The following CADM2 variants were observed in gnomAD, a reference collection of about 807,000 sequenced individuals.
The protein encoded by CADM2 is cell adhesion molecule 2.
CADM2 carries 12 observed loss-of-function variants against 49.8 expected under a neutral mutation model. The ratio of observed to expected loss-of-function variants is 0.24; its 90% CI spans 0.15 to 0.39. The LOEUF (loss-of-function observed/expected upper bound fraction) is 0.39. Ranked by LOEUF, CADM2 falls within the 10% of genes least tolerant of loss-of-function variation. The probability of loss-of-function intolerance (pLI) is 1.00; values close to 1 mark genes in which losing one functional copy is unlikely to be tolerated. For missense variants in CADM2, 378 were observed against 492.3 expected, an observed-to-expected ratio of 0.77 and a Z score of 2.20; for synonymous variants, 214 against 175.4, an observed-to-expected ratio of 1.22 and a Z score of -1.74.
intron 1 of CADM2, among the ~76,000 whole-genome samples, chr3:85,212,890 T>TCTCTCTCTCTCTCTCTCTCTC (rs1423004326): frequency 2.3e-5 from 2 of 86,956 alleles, no homozygotes; most frequent in East Asian, 6.1e-4. Flanking sequence ...TTCTTTCTCT[T>TCTCTCTCTCTCTCTCTCTCTC]TCTTTCTTTT....
intron 8 of CADM2, among the ~76,000 whole-genome samples, chr3:85,967,396 G>T (rs533418181): frequency 6.6e-6 from 1 of 151,426 alleles, no homozygotes; most frequent in African/African-American, 2.4e-5. Context: ...ATTTCCTTTA[G>T]AGTTGTCAGT....
chr3:85,918,223 T>C (rs1227884799), intron 6 of CADM2, among the ~76,000 whole-genome samples: 1 of 152,150 alleles, frequency 6.6e-6, no homozygotes, highest in Non-Finnish European at 1.5e-5. Context: ...GGCATCCCTG[T>C]CTTGTGCCAG....
intron 1 of CADM2, among the ~76,000 whole-genome samples, chr3:85,115,377 A>G (rs2038604481): frequency 6.6e-6 from 1 of 152,196 alleles, no homozygotes; most frequent in Non-Finnish European, 1.5e-5. Flanking sequence ...TTAAAAGTAG[A>G]AAGTTCATTA....
chr3:85,510,095 T>C (rs184923242), intron 1 of CADM2, among the ~76,000 whole-genome samples: 2 of 152,096 alleles, frequency 1.3e-5, no homozygotes, highest in African/African-American at 2.4e-5. Context: ...GAAATACTTA[T>C]AAGCAAAATC....
At chr3:85,622,761 A>G (rs1443348668) in intron 1 of CADM2, among the ~76,000 whole-genome samples, 1 of 152,146 alleles carries the variant, frequency 6.6e-6, no homozygotes, top group East Asian at 1.9e-4. Flanking sequence ...AAGAATTTCA[A>G]CTTATTTGTA....
rs139906998 is a variant in CADM2 at position 86,050,729 on chromosome 3, C to T, written c.971-14876C>T. 4.4e-3 allele frequency among the ~76,000 whole-genome samples: 674 copies of T among 152,206 alleles called. 2 individuals carry two copies. The highest frequency in any genetic ancestry group is 0.017 in the Middle Eastern group (5 of 294). ...GGCTTGCACCCTCTGAATCAGTGAC[C>T]CAAGTTATAGCTGGTCCCACTTGAG... On this transcript the variant is annotated intron_variant, in intron 8 of 9. Coordinates refer to ENST00000383699, the MANE Select transcript of CADM2 (RefSeq NM_001167675.2).
intron 1 of CADM2, among the ~76,000 whole-genome samples, chr3:85,444,863 CT>C (rs944872517): frequency 7.2e-5 from 11 of 152,136 alleles, no homozygotes; most frequent in African/African-American, 2.7e-4. Context: ...AAAATATACA[CT>C]GTCTCTGTCC....
chr3:85,883,357 ATG>A lies in CADM2; in HGVS notation c.309_310del (p.Ser106Ter), dbSNP rs773407865. The A allele has an allele frequency of 6.2e-7, 1 of 1,613,786 alleles. No individual in the cohort carries two copies. The highest frequency in any genetic ancestry group is 8.5e-7 in the Non-Finnish European group (1 of 1,179,898). The stretch of plus-strand genomic sequence containing the variant: ...CATGAATTGAGTATTAGTGTCAGTG[ATG>A]TGTCTCTCTCTGATGAAGGACAGTA... On this transcript the variant is annotated frameshift_variant, in exon 4 of 10. Transcript: ENST00000383699. LOFTEE classifies it high-confidence loss of function.
At position 85,557,037 on chromosome 3, in the gene CADM2, A is replaced by C. The variant is rs2061976590; in HGVS notation, c.62-169485A>C. Reference sequence around the variant, plus strand: ...CTTTGTGGTAACCTTGTGAGAGCATAACAAACACAAGAAAAGGAGATCAGT... The same window carrying C: ...CTTTGTGGTAACCTTGTGAGAGCATCACAAACACAAGAAAAGGAGATCAGT... On this transcript the variant is annotated intron_variant, in intron 1 of 9. Transcript: ENST00000383699. Among the ~76,000 whole-genome samples the C allele has an allele frequency of 2.0e-5, 3 of 152,228 alleles. No homozygotes were observed. The South Asian group carries it at 6.2e-4, about 32-fold the overall frequency.
intron 5 of CADM2, among the ~76,000 whole-genome samples, chr3:85,895,710 G>C (rs1355248827): frequency 6.6e-6 from 1 of 152,104 alleles, no homozygotes; most frequent in Non-Finnish European, 1.5e-5. Flanking sequence ...TTTCCATGCT[G>C]TTCTTGTAAT....
At chr3:85,736,698 G>A (rs1176180194) in intron 2 of CADM2, among the ~76,000 whole-genome samples, 2 of 152,102 alleles carry the variant, frequency 1.3e-5, no homozygotes, top group Admixed American at 1.3e-4. Context: ...ACAATGGGAA[G>A]CCATTAAGTG....
chr3:85,083,355 C>T (rs2037244571), intron 1 of CADM2, among the ~76,000 whole-genome samples: 2 of 152,156 alleles, frequency 1.3e-5, no homozygotes, highest in African/African-American at 4.8e-5. Flanking sequence ...GATTCAATTT[C>T]AATCAAGAAT....
At chr3:86,012,587 C>A in intron 8 of CADM2, 4 of 1,568,844 alleles carry the variant, frequency 2.5e-6, no homozygotes, top group Non-Finnish European at 3.5e-6. Flanking sequence ...CTGCCCCCAA[C>A]TGCACGCGAA....
chr3:85,254,797 G>A (rs917933015), intron 1 of CADM2, among the ~76,000 whole-genome samples: 3 of 152,036 alleles, frequency 2.0e-5, no homozygotes, highest in Admixed American at 1.3e-4. Context: ...TATGGCAGGA[G>A]CTCTACATTT....
At chr3:86,062,727 G>T (rs1738825406) in intron 8 of CADM2, among the ~76,000 whole-genome samples, 1 of 152,044 alleles carries the variant, frequency 6.6e-6, no homozygotes, top group Admixed American at 6.6e-5. Flanking sequence ...GGAGGTGGAG[G>T]TTGCAGTGAG....
intron 1 of CADM2, among the ~76,000 whole-genome samples, chr3:85,159,200 T>C (rs186247550): frequency 9.8e-4 from 149 of 152,330 alleles, no homozygotes; most frequent in African/African-American, 2.6e-3. Flanking sequence ...AAATAGAACG[T>C]ATTATTAATG....
At chr3:85,247,827 A>G (rs935549347) in intron 1 of CADM2, among the ~76,000 whole-genome samples, 5 of 152,192 alleles carry the variant, frequency 3.3e-5, no homozygotes, top group Non-Finnish European at 7.3e-5. Context: ...TTCAACAAAT[A>G]CTTGCCAGGC....
chr3:86,021,125 A>G (rs1305847953), intron 8 of CADM2, among the ~76,000 whole-genome samples: 1 of 151,968 alleles, frequency 6.6e-6, no homozygotes, highest in Non-Finnish European at 1.5e-5. Flanking sequence ...TCAGCCTCCT[A>G]AGTAGCTGGA....
At chr3:85,239,694 T>A (rs2107832610) in intron 1 of CADM2, among the ~76,000 whole-genome samples, 1 of 151,552 alleles carries the variant, frequency 6.6e-6, no homozygotes, top group South Asian at 2.1e-4. Context: ...GAAAATTGTT[T>A]CCTTTTGTGA....
Sources: allele counts gnomAD v4.1 joint callset (sites outside exome capture counted in the v4.1 genomes callset), GRCh38; gene constraint gnomAD v4.1.1; transcripts MANE v1.5; gene names NCBI Gene and HGNC (gene_info 2026-07-23, HGNC 2026-07-21).